The following CBL variants were observed in gnomAD, a reference collection of about 807,000 sequenced individuals.
CBL encodes Cbl proto-oncogene.
CBL carries 45 observed loss-of-function variants against 96.9 expected under a neutral mutation model. The ratio of observed to expected loss-of-function variants is 0.46; its 90% CI spans 0.37 to 0.60. The LOEUF is 0.60. CBL is among the 20% of genes least tolerant of loss of function. The pLI is 0.00. For synonymous variants in CBL, 420 were observed against 426.8 expected (o/e 0.98, Z 0.20); for missense variants, 1,024 against 1,143.5 (o/e 0.90, Z 1.51).
intron 12 of CBL, among the ~76,000 whole-genome samples, chr11:119,289,983 C>A (rs1279822068): frequency 1.3e-5 from 2 of 152,146 alleles, no homozygotes; most frequent in African/African-American, 2.4e-5. Flanking sequence ...CTACTGGTGT[C>A]AAGAGATCCT....
chr11:119,277,625 A>G (rs1949899734), intron 6 of CBL, 132 bp from the exon 7 acceptor site: 1 of 669,954 alleles, frequency 1.5e-6, no homozygotes, highest in Non-Finnish European at 2.7e-6. Context: ...TTTTTTTTGA[A>G]GTAAGATTGA....
chr11:119,243,399 G>C (rs980874870), intron 2 of CBL, among the ~76,000 whole-genome samples: 3 of 151,470 alleles, frequency 2.0e-5, no homozygotes, highest in Non-Finnish European at 4.4e-5. Context: ...TGATATGCCC[G>C]CTTCACCCTC....
rs1398157542 is a variant in CBL at position 119,214,106 on chromosome 11, G to A, written c.195+7494G>A. Among the ~76,000 whole-genome samples, 4 of 151,966 alleles carry A rather than the reference G, an allele frequency of 2.6e-5. No homozygotes were observed. The East Asian group carries it at 7.7e-4, about 29-fold the overall frequency. Reference sequence around the variant, plus strand: ...ACTACAGGTGTGTGCTACCACAGCCGGCTAATTTTTGTATTTTTAGTAGAG... The same window carrying A: ...ACTACAGGTGTGTGCTACCACAGCCAGCTAATTTTTGTATTTTTAGTAGAG... On this transcript the variant is annotated intron_variant, in intron 1 of 15. Coordinates refer to ENST00000264033, the MANE Select transcript of CBL (RefSeq NM_005188.4).
chr11:119,264,413 CTTCTCTTCTCTTCTCTTCTCTTCTCTTCT>C (rs1399911931), intron 2 of CBL, among the ~76,000 whole-genome samples: 1,863 of 125,256 alleles, frequency 0.015, 20 homozygotes, highest in East Asian at 0.043. Flanking sequence ...CTTCTCTTCT[CTTCTCTTCTCTTCTCTTCTCTTCTCTTCT>C]TTCTCTTCTC....
chr11:119,254,388 G>T (rs1031867004), intron 2 of CBL, among the ~76,000 whole-genome samples: 3 of 152,120 alleles, frequency 2.0e-5, no homozygotes, highest in African/African-American at 7.2e-5. Flanking sequence ...TTTAGTTGTT[G>T]TGTGAACGTC....
chr11:119,294,725 AG>A (rs1481853686), intron 12 of CBL, among the ~76,000 whole-genome samples: 1 of 151,346 alleles, frequency 6.6e-6, no homozygotes, highest in Non-Finnish European at 1.5e-5. Flanking sequence ...TGGAAGGCAG[AG>A]GTTGCAGTGA....
chr11:119,302,298 A>T lies in CBL; in HGVS notation c.*2517A>T. On this transcript the variant is annotated 3_prime_UTR_variant, in exon 16 of 16. Transcript: ENST00000264033. ...GGTCTGTGCCTGAGATTGCCAGGCA[A>T]GATTAAGGAAAGTTTTCATGTGGCT... 4.3e-6 allele frequency: 1 copy of T among 232,746 alleles called. No homozygotes were observed. The highest frequency in any genetic ancestry group is 1.8e-4 in the South Asian group (1 of 5,522). The allele number at this position is 232,746 out of a possible 1,614,324, so 14.4% of individuals were successfully genotyped here.
rs757834577 is a variant in CBL, at chr11:119,278,287, C to T, written c.1217C>T (p.Thr406Ile). Residue 406 changes from threonine (T) to isoleucine (I), a missense_variant, in exon 8 of 16, where the codon ACA becomes ATA. Thr to Ile is a moderately conservative substitution (Grantham distance 89). This residue lies in a region of CBL where 695 missense variants were observed against 661.6 expected (regional missense o/e 1.05). Transcript: ENST00000264033. ...CACCTCATGTGCACATCCTGTCTTA[C>T]ATCCTGGCAGGTACGGATCTAAACA... Reference protein sequence around the residue: ...CGHLMCTSCLTSWQESEGQGC... With the variant: ...CGHLMCTSCLISWQESEGQGC... 4 of 1,614,052 alleles carry T rather than the reference C, an allele frequency of 2.5e-6. No individual in the cohort carries two copies. The South Asian group carries it at 4.4e-5, about 18-fold the overall frequency.
intron 1 of CBL, among the ~76,000 whole-genome samples, chr11:119,223,373 A>G (rs1447341643): frequency 1.3e-5 from 2 of 149,088 alleles, no homozygotes; most frequent in Non-Finnish European, 1.5e-5. Flanking sequence ...ACTTTATTTT[A>G]TTTTGTTTTG....
At chr11:119,263,185 G>A (rs1053576442) in intron 2 of CBL, among the ~76,000 whole-genome samples, 3 of 152,216 alleles carry the variant, frequency 2.0e-5, no homozygotes, top group African/African-American at 4.8e-5. Context: ...AGCCTGGAAA[G>A]CGTAGATAGA....
Position 119,285,116 on chromosome 11 carries a change from T to G in CBL, c.1563+16T>G, listed in dbSNP as rs767609973. The G allele has an allele frequency of 3.1e-6, 5 of 1,614,194 alleles. No individual in the cohort carries two copies. The East Asian group carries it at 1.1e-4, about 36-fold the overall frequency. On this transcript the variant is annotated intron_variant, in intron 10 of 15. Transcript: ENST00000264033. ...TGCTTCTAAGGTAAAGCATTTTCCA[T>G]TACTGCAGTTTTTGGATTCTTTGCT...
At chr11:119,264,388 T>TCTCTTCTC (rs1949780004) in intron 2 of CBL, among the ~76,000 whole-genome samples, 9 of 133,776 alleles carry the variant, frequency 6.7e-5, no homozygotes, top group African/African-American at 2.7e-4. Context: ...TTTCTTTTCT[T>TCTCTTCTC]TTCTCTTCTC....
chr11:119,236,723 C>T (rs1282880289), intron 2 of CBL, among the ~76,000 whole-genome samples: 2 of 151,720 alleles, frequency 1.3e-5, no homozygotes, highest in East Asian at 3.9e-4. Flanking sequence ...TTTTCTTTCC[C>T]CTAGCAATGT....
At chr11:119,267,450 G>A (rs988619120) in intron 2 of CBL, among the ~76,000 whole-genome samples, 3 of 151,904 alleles carry the variant, frequency 2.0e-5, no homozygotes, top group African/African-American at 7.3e-5. Flanking sequence ...TAGATTTTCG[G>A]TAGAAAATTA....
chr11:119,290,992 G>T (rs1950022935), intron 12 of CBL, among the ~76,000 whole-genome samples: 1 of 152,052 alleles, frequency 6.6e-6, no homozygotes, highest in African/African-American at 2.4e-5. Flanking sequence ...TGTAGCATCT[G>T]AACTGAAGTT....
At chr11:119,272,702 T>C (rs1464558282) in intron 3 of CBL, among the ~76,000 whole-genome samples, 2 of 152,216 alleles carry the variant, frequency 1.3e-5, no homozygotes, top group Non-Finnish European at 2.9e-5. Flanking sequence ...AGAAGGGAGA[T>C]TGAGCTTCTT....
At chr11:119,258,545 C>T (rs543603444) in intron 2 of CBL, among the ~76,000 whole-genome samples, 1 of 152,300 alleles carries the variant, frequency 6.6e-6, no homozygotes, top group African/African-American at 2.4e-5. Flanking sequence ...ATCCAGTCAC[C>T]TCCCACCAGG....
chr11:119,230,244 T>C (rs1474734016), intron 1 of CBL, among the ~76,000 whole-genome samples: 1 of 151,838 alleles, frequency 6.6e-6, no homozygotes, highest in Non-Finnish European at 1.5e-5. Flanking sequence ...CTCCGCCTCC[T>C]GGGTTCACAC....
Position 119,285,359 on chromosome 11 carries a change from G to GC in CBL, c.1739dup (p.Val581CysfsTer4). 1 of 1,614,078 alleles carries GC rather than the reference G, an allele frequency of 6.2e-7. No individual in the cohort carries two copies. The highest frequency in any genetic ancestry group is 8.5e-7 in the Non-Finnish European group (1 of 1,180,018). On this transcript the variant is annotated frameshift_variant, in exon 11 of 16. Coordinates refer to ENST00000264033, the MANE Select transcript of CBL (RefSeq NM_005188.4). LOFTEE classifies it high-confidence loss of function. ...GCGACTGTCCCTCCAGAGACAAACTGCCCCCTGTCCCCTCTAGCCGCCTTG... is the reference window on the plus strand; with the variant it reads ...GCGACTGTCCCTCCAGAGACAAACTGCCCCCCTGTCCCCTCTAGCCGCCTTG...
Sources: allele counts gnomAD v4.1 joint callset (sites outside exome capture counted in the v4.1 genomes callset), GRCh38; gene constraint gnomAD v4.1.1; regional missense constraint gnomAD v4.1.1; transcripts MANE v1.5; gene names NCBI Gene and HGNC (gene_info 2026-07-23, HGNC 2026-07-21).